The following NRG3 variants were observed in gnomAD, a reference collection of about 807,000 sequenced individuals.
NRG3 encodes the protein pro-neuregulin-3, membrane-bound isoform.
In NRG3, 31 loss-of-function variants were observed where a neutral mutation model predicts 66.9. That is an observed-to-expected ratio of 0.46 (90% CI 0.35 to 0.63). The LOEUF is 0.63. NRG3 is among the 20% of genes least tolerant of loss of function. The pLI is 0.00. For missense variants in NRG3, 910 were observed against 878.9 expected, an observed-to-expected ratio of 1.04 and a Z score of -0.45; for synonymous variants, 393 against 359.4, an observed-to-expected ratio of 1.09 and a Z score of -1.06.
chr10:82,861,148 CTG>C (rs149845022), intron 3 of NRG3, among the ~76,000 whole-genome samples: 34 of 149,174 alleles, frequency 2.3e-4, no homozygotes, highest in Middle Eastern at 3.4e-3. Flanking sequence ...GTGTGTGTGT[CTG>C]TGTGTGTGTG....
intron 2 of NRG3, among the ~76,000 whole-genome samples, chr10:82,651,740 G>A (rs540215740): frequency 5.3e-5 from 8 of 152,320 alleles, no homozygotes; most frequent in South Asian, 2.1e-4. Context: ...TAATACTAGC[G>A]TGTAATGGTT....
intron 2 of NRG3, among the ~76,000 whole-genome samples, chr10:82,506,299 G>A (rs1255259778): frequency 6.6e-6 from 1 of 152,178 alleles, no homozygotes; most frequent in Non-Finnish European, 1.5e-5. Context: ...GTTGCAAGCT[G>A]TCCCAGTGCT....
rs528249772 is a variant in NRG3, at chr10:81,920,973, T to C, written c.823+44810T>C. On this transcript the variant is annotated intron_variant, in intron 1 of 8. Coordinates refer to ENST00000372141, the MANE Select transcript of NRG3 (RefSeq NM_001010848.4). ...GCTACATGTTTACTTATATTCATAA[T>C]AACATTTTAGGATATATTTTGCCAG... 2.6e-5 allele frequency among the ~76,000 whole-genome samples: 4 copies of C among 152,272 alleles called. No homozygotes were observed. In the South Asian group the frequency reaches 8.3e-4, roughly 32 times the overall value.
intron 2 of NRG3, among the ~76,000 whole-genome samples, chr10:82,365,284 A>G (rs2084450263): frequency 6.6e-6 from 1 of 152,188 alleles, no homozygotes; most frequent in South Asian, 2.1e-4. Flanking sequence ...GAAGGCTAAA[A>G]TATCTATAAA....
At chr10:81,977,322 T>C (rs1334758209) in intron 1 of NRG3, among the ~76,000 whole-genome samples, 2 of 152,180 alleles carry the variant, frequency 1.3e-5, no homozygotes, top group Non-Finnish European at 2.9e-5. Flanking sequence ...TTGATAATCT[T>C]ATTGTTCTTT....
intron 8 of NRG3, among the ~76,000 whole-genome samples, chr10:82,981,436 A>T (rs1199845830): frequency 1.3e-5 from 2 of 151,870 alleles, no homozygotes; most frequent in African/African-American, 4.8e-5. Flanking sequence ...GCCATTTTCC[A>T]CTCCCTGGGG....
intron 1 of NRG3, among the ~76,000 whole-genome samples, chr10:82,323,703 G>A (rs2081706713): frequency 6.6e-6 from 1 of 151,778 alleles, no homozygotes; most frequent in South Asian, 2.1e-4. Flanking sequence ...TTACATTTAT[G>A]GTAGAGTTGC....
chr10:82,031,375 C>G (rs1356989438), intron 1 of NRG3, among the ~76,000 whole-genome samples: 1 of 152,078 alleles, frequency 6.6e-6, no homozygotes, highest in African/African-American at 2.4e-5. Context: ...TTAGCTATGC[C>G]TCTTTCAACC....
chr10:82,312,655 T>C (rs2081089146), intron 1 of NRG3, among the ~76,000 whole-genome samples: 1 of 152,184 alleles, frequency 6.6e-6, no homozygotes, highest in African/African-American at 2.4e-5. Context: ...AGATGGCACC[T>C]AGTGTATGAA....
At chr10:82,870,615 A>G (rs1841253368) in intron 4 of NRG3, among the ~76,000 whole-genome samples, 1 of 152,040 alleles carries the variant, frequency 6.6e-6, no homozygotes, top group South Asian at 2.1e-4. Context: ...AGGGTTCTGG[A>G]TTTGGGTCAT....
At chr10:82,352,818 T>C (rs956173565) in intron 1 of NRG3, among the ~76,000 whole-genome samples, 8 of 151,922 alleles carry the variant, frequency 5.3e-5, no homozygotes, top group Middle Eastern at 3.4e-3. Flanking sequence ...GATTTTGGTC[T>C]TCATCGTAAG....
chr10:82,015,791 G>A (rs2061762693), intron 1 of NRG3, among the ~76,000 whole-genome samples: 1 of 151,720 alleles, frequency 6.6e-6, no homozygotes, highest in Non-Finnish European at 1.5e-5. Context: ...ATAGCCATAT[G>A]ACTGTATGGC....
At chr10:82,052,148 C>T (rs945518178) in intron 1 of NRG3, among the ~76,000 whole-genome samples, 1 of 150,728 alleles carries the variant, frequency 6.6e-6, no homozygotes, top group African/African-American at 2.4e-5. Flanking sequence ...CAATACTAAA[C>T]ACAATGAATA....
At chr10:82,964,475 T>C (rs1851008509) in intron 6 of NRG3, among the ~76,000 whole-genome samples, 2 of 152,152 alleles carry the variant, frequency 1.3e-5, no homozygotes, top group Admixed American at 6.5e-5. Flanking sequence ...GAGGGTCTCT[T>C]TTCATATTAT....
chr10:82,578,427 C>T (rs764294779), intron 2 of NRG3, among the ~76,000 whole-genome samples: 2 of 150,688 alleles, frequency 1.3e-5, no homozygotes, highest in Non-Finnish European at 3.0e-5. Flanking sequence ...GACTACTTGG[C>T]AATAAGTAAA....
At chr10:82,395,232 T>C (rs1480786660) in intron 2 of NRG3, among the ~76,000 whole-genome samples, 1 of 152,204 alleles carries the variant, frequency 6.6e-6, no homozygotes, top group Non-Finnish European at 1.5e-5. Context: ...ATGGGAAATA[T>C]GGTGTAGGTC....
chr10:82,018,444 T>C (rs2061893499), intron 1 of NRG3, among the ~76,000 whole-genome samples: 1 of 152,194 alleles, frequency 6.6e-6, no homozygotes, highest in South Asian at 2.1e-4. Context: ...ATATGAACTT[T>C]AAAGTAGTTT....
rs1475131670 is a variant in NRG3 at position 82,132,479 on chromosome 10, G to C, written c.824-226260G>C. ...TATATGATATATATGATATATATAT[G>C]ATATATATATATGATATATATATAT... is the stretch of plus-strand genomic sequence containing the variant. On this transcript the variant is annotated intron_variant, in intron 1 of 8. Coordinates refer to ENST00000372141, the MANE Select transcript of NRG3 (RefSeq NM_001010848.4). Among the ~76,000 whole-genome samples the C allele has an allele frequency of 5.5e-3, 345 of 62,440 alleles. 16 individuals are homozygous for C. Among genetic ancestry groups the C allele is most frequent in the East Asian group, 0.027 (62 of 2,282 alleles). 41.0% of individuals were successfully genotyped at this position (62,440 alleles called of 152,430 possible). A position where few individuals can be genotyped will look rare whatever the true frequency, so the allele number is the denominator to read the frequency against.
chr10:81,895,054 C>G (rs1843392237), intron 1 of NRG3, among the ~76,000 whole-genome samples: 1 of 152,192 alleles, frequency 6.6e-6, no homozygotes, highest in Non-Finnish European at 1.5e-5. Context: ...TTGGCATCTA[C>G]TTCCCTTGGG....
Sources: gnomAD v4.1 joint callset for allele counts (sites outside exome capture counted in the v4.1 genomes callset) on GRCh38, gnomAD v4.1.1 for gene constraint, MANE v1.5 for transcripts, NCBI Gene and HGNC (gene_info 2026-07-23, HGNC 2026-07-21) for gene names.